The following ZNF763 variants were observed in gnomAD, a reference collection of about 807,000 sequenced individuals.
ZNF763 encodes the protein zinc finger protein 763, also known as DNA-binding protein.
Under a neutral mutation model 38.0 loss-of-function variants are expected in ZNF763, and 33 were observed. The ratio of observed to expected loss-of-function variants is 0.87; its 90% CI spans 0.66 to 1.16. The LOEUF is 1.16. Among genes scored for constraint, ZNF763 ranks in the 50% most tolerant of loss-of-function variants. ZNF763 has a pLI of 0.00. For synonymous variants in ZNF763, 155 were observed against 160.1 expected, an observed-to-expected ratio of 0.97 and a Z score of 0.24; for missense variants, 423 against 469.1, an observed-to-expected ratio of 0.90 and a Z score of 0.91.
intron 1 of ZNF763, among the ~76,000 whole-genome samples, chr19:11,973,616 C>T (rs867445426): frequency 2.0e-5 from 3 of 152,266 alleles, no homozygotes; most frequent in African/African-American, 7.2e-5. Flanking sequence ...GGTGTGATGC[C>T]TCATCCCTGA....
intron 1 of ZNF763, among the ~76,000 whole-genome samples, chr19:11,971,049 C>T (rs186805589): frequency 3.3e-5 from 5 of 152,304 alleles, no homozygotes; most frequent in African/African-American, 1.2e-4. Flanking sequence ...GTGTAGAGTT[C>T]AAAGCTGCAG....
chr19:11,966,767 A>G (rs921361823), intron 1 of ZNF763, among the ~76,000 whole-genome samples: 9 of 152,166 alleles, frequency 5.9e-5, no homozygotes, highest in African/African-American at 2.2e-4. Context: ...GGTTGCAGAG[A>G]TGCAGTTGCC....
At chr19:11,967,294 G>A (rs180830978) in intron 1 of ZNF763, among the ~76,000 whole-genome samples, 2 of 152,196 alleles carry the variant, frequency 1.3e-5, no homozygotes, top group African/African-American at 4.8e-5. Context: ...CCGAGGACTC[G>A]CCACTGCACT....
Position 11,979,338 on chromosome 19 carries a change from T to C in ZNF763, c.*229T>C, listed in dbSNP as rs1973571194. The C allele has an allele frequency of 2.5e-6, 4 of 1,607,032 alleles. No individual in the cohort carries two copies. The Admixed American group carries it at 6.7e-5, about 27-fold the overall frequency. On this transcript the variant is annotated 3_prime_UTR_variant, in exon 4 of 4. Transcript: ENST00000358987. ...CACACCTTCGAAGGCATGGTAGGAC[T>C]CACTGGAGAGAAACCCTATGAGTGT... is the stretch of plus-strand genomic sequence containing the variant.
chr19:11,966,908 A>C (rs1973242612), intron 1 of ZNF763, among the ~76,000 whole-genome samples: 1 of 152,202 alleles, frequency 6.6e-6, no homozygotes, highest in South Asian at 2.1e-4. Flanking sequence ...TCAGTCCTCC[A>C]AAATTGGAAG....
intron 1 of ZNF763, among the ~76,000 whole-genome samples, chr19:11,966,549 T>G (rs2145321051): frequency 6.6e-6 from 1 of 152,256 alleles, no homozygotes; most frequent in South Asian, 2.1e-4. Flanking sequence ...AATTTTTGTA[T>G]TTTTAGTAAA....
intron 1 of ZNF763, among the ~76,000 whole-genome samples, 180 bp downstream of exon 1, chr19:11,965,391 G>A (rs1200702633): frequency 6.6e-6 from 1 of 152,204 alleles, no homozygotes; most frequent in African/African-American, 2.4e-5. Flanking sequence ...CTGGCAGCCG[G>A]GACCCCGGGT....
In ZNF763 at chr19:11,965,800, C is replaced by T. The variant is rs531381086; in HGVS notation, c.3+589C>T. On this transcript the variant is annotated intron_variant, in intron 1 of 3. Transcript: ENST00000358987. The stretch of plus-strand genomic sequence containing the variant: ...CCAAGAAGCCTATAGTGAGTGGTCC[C>T]GAGGCGGCTCAAGACAATTTGGTTT... Among the ~76,000 whole-genome samples the T allele has an allele frequency of 7.2e-5, 11 of 152,206 alleles. No individual in the cohort carries two copies. In the East Asian group the frequency reaches 1.2e-3, roughly 16 times the overall value.
chr19:11,978,410 A>G lies in ZNF763; in HGVS notation c.486A>G (p.Gln162=), dbSNP rs1056675605. 1.2e-5 allele frequency: 19 copies of G among 1,614,088 alleles called. No homozygotes were observed. The highest frequency in any genetic ancestry group is 1.5e-5 in the Non-Finnish European group (18 of 1,180,030). Reference sequence around the variant, plus strand: ...GATATCACCCCTCCTTTAGAACACAAGAAAGGAATCACACCGGAGAGAAAC... The same window carrying G: ...GATATCACCCCTCCTTTAGAACACAGGAAAGGAATCACACCGGAGAGAAAC... ...AFRYHPSFRT[Q]ERNHTGEKPY... is the part of the protein sequence containing the mutation. Residue 162 remains glutamine, a synonymous_variant, in exon 4 of 4, where the codon CAA becomes CAG. Coordinates refer to ENST00000358987, the MANE Select transcript of ZNF763 (RefSeq NM_001367172.2).
chr19:11,970,882 G>A (rs763102656), intron 1 of ZNF763, among the ~76,000 whole-genome samples: 1 of 152,126 alleles, frequency 6.6e-6, no homozygotes, highest in Non-Finnish European at 1.5e-5. Context: ...AGTGAGCCGA[G>A]ATCCCGCCTT....
intron 1 of ZNF763, among the ~76,000 whole-genome samples, chr19:11,968,556 T>C (rs1349002261): frequency 6.6e-6 from 1 of 152,226 alleles, no homozygotes; most frequent in Non-Finnish European, 1.5e-5. Flanking sequence ...ACTTAATTTG[T>C]AGTGGTTTGC....
At position 11,979,865 on chromosome 19, in the gene ZNF763, C is replaced by A; in HGVS notation, c.*756C>A. ...TCGAATTCATGAAAGGACACAAACA[C>A]ACGTAAGAATGCACTCTGTAGAAAG... is the stretch of plus-strand genomic sequence containing the variant. On this transcript the variant is annotated 3_prime_UTR_variant, in exon 4 of 4. Coordinates refer to ENST00000358987, the MANE Select transcript of ZNF763 (RefSeq NM_001367172.2). The A allele has an allele frequency of 6.7e-7, 1 of 1,486,862 alleles. No individual in the cohort carries two copies. Among genetic ancestry groups the A allele is most frequent in the Non-Finnish European group, 9.4e-7 (1 of 1,068,340 alleles). The allele number at this position is 1,486,862 out of a possible 1,614,324, so 92.1% of individuals were successfully genotyped here.
In ZNF763 at chr19:11,979,542, A is replaced by T; in HGVS notation, c.*433A>T. 4 of 1,603,606 alleles carry T rather than the reference A, an allele frequency of 2.5e-6. No individual in the cohort carries two copies. The highest frequency in any genetic ancestry group is 3.4e-6 in the Non-Finnish European group (4 of 1,172,802). On this transcript the variant is annotated 3_prime_UTR_variant, in exon 4 of 4. Coordinates refer to ENST00000358987, the MANE Select transcript of ZNF763 (RefSeq NM_001367172.2). ...AAAACTCACACTGCAGAGAAACCCT[A>T]TGAATGCAAGCAATGTGGTAAAGCC...
chr19:11,979,128 A>G lies in ZNF763; in HGVS notation c.*19A>G. 1 of 1,613,350 alleles carries G rather than the reference A, an allele frequency of 6.2e-7. No homozygotes were observed. The highest frequency in any genetic ancestry group is 8.5e-7 in the Non-Finnish European group (1 of 1,179,874). ...CTTATAAATGTTAGATATGTGGGAAAGGCCTTTATTCTGCCAAGTCATTTC... is the reference window on the plus strand; with the variant it reads ...CTTATAAATGTTAGATATGTGGGAAGGGCCTTTATTCTGCCAAGTCATTTC... On this transcript the variant is annotated 3_prime_UTR_variant, in exon 4 of 4. Transcript: ENST00000358987.
intron 1 of ZNF763, among the ~76,000 whole-genome samples, chr19:11,967,863 A>G (rs943666867): frequency 2.6e-5 from 4 of 152,256 alleles, no homozygotes; most frequent in Admixed American, 6.5e-5. Flanking sequence ...GCCTACGTGC[A>G]TGTGGGCTGA....
At chr19:11,974,575 G>C (rs966012887) in intron 1 of ZNF763, among the ~76,000 whole-genome samples, 1 of 148,766 alleles carries the variant, frequency 6.7e-6, no homozygotes, top group Non-Finnish European at 1.5e-5. Flanking sequence ...ATTCTTTAGG[G>C]GGAGGTATAG....
intron 1 of ZNF763, among the ~76,000 whole-genome samples, chr19:11,966,413 G>T (rs991056487): frequency 6.6e-6 from 1 of 152,040 alleles, no homozygotes; most frequent in East Asian, 1.9e-4. Flanking sequence ...TCCTTCTGTC[G>T]CCCAGGCTGG....
chr19:11,965,447 CCT>C (rs1973206464), intron 1 of ZNF763, among the ~76,000 whole-genome samples: 1 of 152,196 alleles, frequency 6.6e-6, no homozygotes, highest in African/African-American at 2.4e-5. Context: ...GCCCCGGAGC[CCT>C]CTCTGGGCAG....
At chr19:11,975,427 T>G (rs1045916699) in intron 1 of ZNF763, among the ~76,000 whole-genome samples, 1 of 150,650 alleles carries the variant, frequency 6.6e-6, no homozygotes, top group Non-Finnish European at 1.5e-5. Context: ...AGACAGAGTC[T>G]TGCTCTGTCG....
Sources: gnomAD v4.1 joint callset for allele counts (sites outside exome capture counted in the v4.1 genomes callset) on GRCh38, gnomAD v4.1.1 for gene constraint, MANE v1.5 for transcripts, NCBI Gene and HGNC (gene_info 2026-07-23, HGNC 2026-07-21) for gene names.